SAMD5: variants seen among roughly 807,000 people sequenced by gnomAD.
The protein encoded by SAMD5 is sterile alpha motif domain containing 5, also known as sterile alpha motif domain-containing protein 5.
Under a neutral mutation model 11.3 loss-of-function variants are expected in SAMD5, and 13 were observed. The observed-to-expected ratio is 1.15, with a 90% CI of 0.75 to 1.83. The LOEUF (loss-of-function observed/expected upper bound fraction) is 1.83, where lower values mean the gene tolerates loss of function less well. Among genes scored for constraint, SAMD5 ranks in the 40% most tolerant of loss-of-function variants. The pLI is 0.00. For missense variants in SAMD5, 255 were observed against 239.1 expected, an observed-to-expected ratio of 1.07 and a Z score of -0.44; for synonymous variants, 129 against 111.3, an observed-to-expected ratio of 1.16 and a Z score of -1.00.
chr6:147,509,076 G>T lies in SAMD5; in HGVS notation c.148G>T (p.Ala50Ser). 2 of 1,599,044 alleles carry T rather than the reference G, an allele frequency of 1.3e-6. No individual in the cohort carries two copies. Among genetic ancestry groups the T allele is most frequent in the Non-Finnish European group, 1.7e-6 (2 of 1,174,094 alleles). The change falls in exon 1 of 2, where the codon GCG becomes TCG. Residue 50 changes from alanine (A) to serine (S), a missense_variant. Ala to Ser is a moderately conservative substitution (Grantham distance 99, BLOSUM62 1). Transcript: ENST00000367474. ...GGATGCCATCGGGGTGCTGGCGCCCGCGCACCGCCGCCGTATCCTGGAGGC... is the reference window on the plus strand; with the variant it reads ...GGATGCCATCGGGGTGCTGGCGCCCTCGCACCGCCGCCGTATCCTGGAGGC... ...DLDAIGVLAP[A>S]HRRRILEAVR...
Position 147,536,531 on chromosome 6 carries a change from G to GT in SAMD5, c.459+27154dup, listed in dbSNP as rs368585131. Among the ~76,000 whole-genome samples, 1,472 of 149,420 alleles carry GT rather than the reference G, an allele frequency of 9.9e-3. 21 individuals carry two copies. The highest frequency in any genetic ancestry group is 0.034 in the African/African-American group (1,388 of 40,808). ...TTAGCTTTTTATGAGAGTCCAAGAA[G>GT]TTTTTTTTTTAATTCCAGTAGCACA... On this transcript the variant is annotated intron_variant, in intron 1 of 1. Coordinates refer to ENST00000367474, the MANE Select transcript of SAMD5 (RefSeq NM_001030060.3).
the SAMD5 span, among the ~76,000 whole-genome samples, chr6:147,902,359 G>GT: frequency 2.6e-5 from 4 of 151,914 alleles, no homozygotes; most frequent in African/African-American, 7.3e-5. Flanking sequence ...CCTTGATTTA[G>GT]TTTTGAAAAA....
the SAMD5 span, among the ~76,000 whole-genome samples, chr6:147,870,476 G>GTATA: frequency 0.015 from 2,122 of 139,820 alleles, 12 homozygotes; most frequent in Non-Finnish European, 0.023. Context: ...GTGTGTGTGT[G>GTATA]TGTGTGTATA....
the SAMD5 span, among the ~76,000 whole-genome samples, chr6:147,895,878 A>C: frequency 6.6e-6 from 1 of 152,166 alleles, no homozygotes; most frequent in South Asian, 2.1e-4. Context: ...AAGAAACTGG[A>C]CCCGGAAATG....
At chr6:147,905,993 G>A in the SAMD5 span, among the ~76,000 whole-genome samples, 3 of 152,132 alleles carry the variant, frequency 2.0e-5, no homozygotes, top group Non-Finnish European at 4.4e-5. Context: ...GGTCCACAGC[G>A]AGATCTCAGA....
chr6:147,822,365 TA>T, the SAMD5 span, among the ~76,000 whole-genome samples: 28 of 152,360 alleles, frequency 1.8e-4, no homozygotes, highest in African/African-American at 6.0e-4. Context: ...AATGTGAATT[TA>T]AATCACCATT....
chr6:147,804,026 A>G, the SAMD5 span, among the ~76,000 whole-genome samples: 1 of 151,746 alleles, frequency 6.6e-6, no homozygotes. Context: ...ACACTTCTCC[A>G]GGTCACCCAT....
chr6:147,933,515 C>T, the SAMD5 span, among the ~76,000 whole-genome samples: 1 of 152,146 alleles, frequency 6.6e-6, no homozygotes, highest in Non-Finnish European at 1.5e-5. Context: ...AAGTGGAATT[C>T]TACTCTTTCT....
At chr6:147,683,013 G>A (rs73011974) in intron 1 of SAMD5, among the ~76,000 whole-genome samples, 17,490 of 152,112 alleles carry the variant, frequency 0.11, 1,097 homozygotes, top group Middle Eastern at 0.16. Flanking sequence ...TAACCGTGTC[G>A]TTTTCTCTGT....
chr6:147,930,455 A>G, the SAMD5 span, among the ~76,000 whole-genome samples: 1 of 152,108 alleles, frequency 6.6e-6, no homozygotes, highest in Non-Finnish European at 1.5e-5. Context: ...TAGGAAACAT[A>G]TTGGTTTCCT....
At chr6:147,683,317 G>T (rs570392758) in intron 1 of SAMD5, among the ~76,000 whole-genome samples, 1 of 152,172 alleles carries the variant, frequency 6.6e-6, no homozygotes, top group East Asian at 1.9e-4. Flanking sequence ...TATTTCCTAA[G>T]AGTGATTTTT....
Position 147,566,783 on chromosome 6 carries a change from T to C in SAMD5, c.*2327T>C. 1.0e-6 allele frequency: 1 copy of C among 983,226 alleles called. No homozygotes were observed. Among genetic ancestry groups the C allele is most frequent in the Non-Finnish European group, 1.2e-6 (1 of 827,978 alleles). The allele number at this position is 983,226 out of a possible 1,614,324, so 60.9% of individuals were successfully genotyped here. A position where few individuals can be genotyped will look rare whatever the true frequency, so the allele number is the denominator to read the frequency against. On this transcript the variant is annotated 3_prime_UTR_variant, in exon 2 of 2. Coordinates refer to ENST00000367474, the MANE Select transcript of SAMD5 (RefSeq NM_001030060.3). ...AAAACTTCAAATAAGCAAAGAAGTA[T>C]TGAAGGATGCCCACGAATTCCTTTG...
chr6:147,630,493 G>A (rs4530881), intron 1 of SAMD5, among the ~76,000 whole-genome samples: 103,760 of 151,800 alleles, frequency 0.68, 35,676 homozygotes, highest in South Asian at 0.77. Flanking sequence ...TTACCTAGTG[G>A]AATTCCTTCT....
At chr6:147,871,595 A>T in the SAMD5 span, among the ~76,000 whole-genome samples, 1 of 152,208 alleles carries the variant, frequency 6.6e-6, no homozygotes, top group African/African-American at 2.4e-5. Context: ...TCTTCACTTT[A>T]TCAGAATGGC....
chr6:147,543,304 A>C (rs193127874), intron 1 of SAMD5, among the ~76,000 whole-genome samples: 1 of 152,252 alleles, frequency 6.6e-6, no homozygotes, highest in Non-Finnish European at 1.5e-5. Context: ...ACAACTTTGC[A>C]ATTTAAAAAC....
the SAMD5 span, among the ~76,000 whole-genome samples, chr6:147,759,069 G>C: frequency 6.6e-6 from 1 of 152,132 alleles, no homozygotes; most frequent in Admixed American, 6.5e-5. Flanking sequence ...TAGTAACTGC[G>C]GTAGGCAATG....
intron 1 of SAMD5, among the ~76,000 whole-genome samples, chr6:147,509,890 A>T (rs1788061409): frequency 6.6e-6 from 1 of 152,208 alleles, no homozygotes; most frequent in African/African-American, 2.4e-5. Flanking sequence ...TTCCATAAAA[A>T]ATCCCAGCGC....
the SAMD5 span, among the ~76,000 whole-genome samples, chr6:147,904,291 A>G: frequency 2.0e-5 from 3 of 152,196 alleles, no homozygotes; most frequent in Non-Finnish European, 4.4e-5. Context: ...ATAACTTACA[A>G]GCCTGGCCCC....
the SAMD5 span, among the ~76,000 whole-genome samples, chr6:147,932,588 TTGTGTGTGTGTGTGTGTGTG>T: frequency 3.1e-3 from 405 of 131,170 alleles, 1 homozygote; most frequent in African/African-American, 0.011. Flanking sequence ...TCTTACAGAA[TTGTGTGTGTGTGTGTGTGTG>T]TGTGTGTGTG....
Sources: allele counts gnomAD v4.1 joint callset (sites outside exome capture counted in the v4.1 genomes callset), GRCh38; gene constraint gnomAD v4.1.1; transcripts MANE v1.5; gene names NCBI Gene and HGNC (gene_info 2026-07-23, HGNC 2026-07-21).